The following SLC17A3 variants were observed in gnomAD, a reference collection of about 807,000 sequenced individuals.
SLC17A3 encodes solute carrier family 17 member 3, also known as sodium-dependent phosphate transport protein 4.
A neutral mutation model predicts 60.3 loss-of-function variants in SLC17A3; 61 were observed. The observed-to-expected ratio is 1.01, with a 90% CI of 0.82 to 1.25. SLC17A3 has a LOEUF of 1.25. Among genes scored for constraint, SLC17A3 ranks in the 50% most tolerant of loss-of-function variants. The pLI, the probability that SLC17A3 is intolerant of heterozygous loss-of-function variation, is 0.00. For missense variants in SLC17A3, 624 were observed against 594.9 expected (o/e 1.05, Z -0.51); for synonymous variants, 192 against 208.9 (o/e 0.92, Z 0.70).
intron 2 of SLC17A3, among the ~76,000 whole-genome samples, chr6:25,865,089 C>A (rs1432583671): frequency 6.6e-6 from 1 of 151,964 alleles, no homozygotes; most frequent in Non-Finnish European, 1.5e-5. Flanking sequence ...CGCTATGAAG[C>A]AGCTATTACT....
chr6:25,852,685 A>G (rs1179667575), intron 6 of SLC17A3, among the ~76,000 whole-genome samples: 1 of 152,100 alleles, frequency 6.6e-6, no homozygotes, highest in Non-Finnish European at 1.5e-5. Flanking sequence ...TATATTTACT[A>G]TGTCTCCACT....
At chr6:25,874,115 A>G (rs574807470) in intron 1 of SLC17A3, 52 bp downstream of exon 1, 2 of 152,236 alleles carry the variant, frequency 1.3e-5, no homozygotes, top group South Asian at 4.1e-4. Flanking sequence ...CCATTGCTAT[A>G]CAGAAAAGAG....
At chr6:25,866,147 C>A (rs578146736) in intron 2 of SLC17A3, among the ~76,000 whole-genome samples, 39 of 151,864 alleles carry the variant, frequency 2.6e-4, no homozygotes, top group Non-Finnish European at 5.7e-4. Flanking sequence ...GGTGATGGGA[C>A]GTCACCCCCA....
chr6:25,866,809 G>T (rs1303784767), intron 2 of SLC17A3, among the ~76,000 whole-genome samples: 1 of 151,936 alleles, frequency 6.6e-6, no homozygotes, highest in East Asian at 1.9e-4. Context: ...ATTAATGGAA[G>T]AAAACTAGAT....
At position 25,855,248 on chromosome 6, in the gene SLC17A3, G is replaced by A. The variant is rs1360751789; in HGVS notation, c.626-18C>T. On this transcript the variant is annotated intron_variant, in intron 5 of 12. Transcript: ENST00000397060. ...TAACATTCCTGCAAAGAGAGAGAAA[G>A]TAAGCTGTGGGACTCTAGACTTCTA... 1 of 1,573,404 alleles carries A rather than the reference G, an allele frequency of 6.4e-7. No individual in the cohort carries two copies. The highest frequency in any genetic ancestry group is 8.7e-7 in the Non-Finnish European group (1 of 1,143,686).
chr6:25,860,731 A>G (rs1035513010), intron 5 of SLC17A3, among the ~76,000 whole-genome samples: 3 of 152,190 alleles, frequency 2.0e-5, no homozygotes, highest in Non-Finnish European at 4.4e-5. Context: ...CAGTCTCTAT[A>G]TACTCAGAAA....
At chr6:25,869,303 G>T (rs1264289821) in intron 1 of SLC17A3, among the ~76,000 whole-genome samples, 2 of 151,796 alleles carry the variant, frequency 1.3e-5, no homozygotes, top group African/African-American at 4.8e-5. Context: ...TTCTCTTAAA[G>T]AAAAAGTCTC....
intron 8 of SLC17A3, 33 bp downstream of exon 8, chr6:25,850,426 G>A (rs1765253885): frequency 1.2e-6 from 2 of 1,606,384 alleles, no homozygotes; most frequent in Admixed American, 1.7e-5. Context: ...AGCCATGCAA[G>A]CAGGAGAAAG....
chr6:25,856,057 T>C (rs1765351349), intron 5 of SLC17A3, among the ~76,000 whole-genome samples: 1 of 152,212 alleles, frequency 6.6e-6, no homozygotes, highest in Non-Finnish European at 1.5e-5. Context: ...AGAAGTGGAC[T>C]TGCTAGGTCA....
chr6:25,863,334 TTAAG>T (rs1234472565), intron 2 of SLC17A3, among the ~76,000 whole-genome samples: 2 of 152,094 alleles, frequency 1.3e-5, no homozygotes, highest in Non-Finnish European at 1.5e-5. Context: ...CAACATTATA[TTAAG>T]TGAGTAGAAG....
chr6:25,858,599 G>C (rs906144805), intron 5 of SLC17A3, among the ~76,000 whole-genome samples: 17 of 152,048 alleles, frequency 1.1e-4, no homozygotes, highest in African/African-American at 3.9e-4. Flanking sequence ...CTATTCCCTT[G>C]ATTTTCTCCT....
chr6:25,868,513 T>G (rs1044630027), intron 1 of SLC17A3, 93 bp from the exon 2 acceptor site: 7 of 825,626 alleles, frequency 8.5e-6, no homozygotes, highest in African/African-American at 3.4e-5. Flanking sequence ...AAAAAAAAGC[T>G]GGCCCATTCC....
intron 11 of SLC17A3, among the ~76,000 whole-genome samples, chr6:25,847,774 G>A (rs953843878): frequency 6.6e-6 from 1 of 151,410 alleles, no homozygotes; most frequent in Admixed American, 6.6e-5. Context: ...AGGTTTTTGG[G>A]GAACAGGTGA....
chr6:25,849,492 AG>A, intron 10 of SLC17A3, 28 bp from the exon 11 acceptor site: 1 of 1,385,246 alleles, frequency 7.2e-7, no homozygotes, highest in South Asian at 1.2e-5. Context: ...GTTCCGGTCT[AG>A]ATCCAGAGAT....
At chr6:25,855,097 A>AAGTTTCATATGCAT (rs1321847243) in intron 6 of SLC17A3, 47 bp downstream of exon 6, 7 of 1,186,036 alleles carry the variant, frequency 5.9e-6, no homozygotes, top group Non-Finnish European at 7.6e-6. Context: ...TACTGAGGAG[A>AAGTTTCATATGCAT]ATCTTTCTGC....
chr6:25,853,462 T>G (rs1258023321), intron 6 of SLC17A3, among the ~76,000 whole-genome samples: 1 of 139,914 alleles, frequency 7.1e-6, no homozygotes, highest in Non-Finnish European at 1.5e-5. Flanking sequence ...GTGGCCCAGG[T>G]TGGAGTGCAG....
chr6:25,849,271 C>T, intron 11 of SLC17A3, 103 bp downstream of exon 11: 1 of 737,110 alleles, frequency 1.4e-6, no homozygotes, highest in South Asian at 1.5e-5. Flanking sequence ...GACAAATTAC[C>T]CAAAATTTAA....
At chr6:25,850,986 A>T (rs575027201) in intron 6 of SLC17A3, 109 bp from the exon 7 acceptor site, 8 of 806,284 alleles carry the variant, frequency 9.9e-6, no homozygotes, top group East Asian at 2.5e-5. Flanking sequence ...GCTCATGTTC[A>T]TTATATCCCT....
At chr6:25,865,455 T>C (rs1765519164) in intron 2 of SLC17A3, among the ~76,000 whole-genome samples, 1 of 151,978 alleles carries the variant, frequency 6.6e-6, no homozygotes, top group Non-Finnish European at 1.5e-5. Flanking sequence ...ACTTCCTCTA[T>C]CAATCAAGTC....
Sources: allele counts gnomAD v4.1 joint callset (sites outside exome capture counted in the v4.1 genomes callset), GRCh38; gene constraint gnomAD v4.1.1; transcripts MANE v1.5; gene names NCBI Gene and HGNC (gene_info 2026-07-23, HGNC 2026-07-21).